The following ABCA13 variants were observed in gnomAD, a reference collection of about 807,000 sequenced individuals.
ABCA13 encodes the protein ATP binding cassette subfamily A member 13, also known as ATP-binding cassette sub-family A member 13.
ABCA13 carries 476 observed loss-of-function variants against 478.7 expected under a neutral mutation model. The observed-to-expected ratio is 0.99, with a 90% CI of 0.92 to 1.07. The LOEUF is 1.07. Ranked by LOEUF, ABCA13 falls within the 50% of genes least tolerant of loss-of-function variation. The pLI is 0.00. For missense variants in ABCA13, 6,060 were observed against 5,910.6 expected, an observed-to-expected ratio of 1.03 and a Z score of -0.83; for synonymous variants, 2,252 against 2,158.9, an observed-to-expected ratio of 1.04 and a Z score of -1.20.
At chr7:48,218,664 G>A (rs1199114475) in intron 3 of ABCA13, among the ~76,000 whole-genome samples, 2 of 152,130 alleles carry the variant, frequency 1.3e-5, no homozygotes, top group East Asian at 1.9e-4. Flanking sequence ...CAAACATTCT[G>A]CTTGCTTTTA....
intron 47 of ABCA13, among the ~76,000 whole-genome samples, chr7:48,487,033 C>T (rs954799925): frequency 1.1e-4 from 16 of 152,106 alleles, no homozygotes; most frequent in Admixed American, 3.3e-4. Flanking sequence ...AGTTTTGGCC[C>T]GGTGCAGCGG....
chr7:48,443,248 G>A (rs1055706058), intron 42 of ABCA13, among the ~76,000 whole-genome samples: 1 of 150,846 alleles, frequency 6.6e-6, no homozygotes. Context: ...GGCAGCCTGA[G>A]CTGACTAATA....
intron 41 of ABCA13, among the ~76,000 whole-genome samples, chr7:48,426,120 C>T (rs894202299): frequency 3.9e-5 from 6 of 152,150 alleles, no homozygotes; most frequent in Non-Finnish European, 8.8e-5. Context: ...ACATGGCTGG[C>T]GCACACTCAG....
chr7:48,276,665 T>A, intron 17 of ABCA13, 100 bp downstream of exon 17: 2 of 894,972 alleles, frequency 2.2e-6, no homozygotes, highest in Non-Finnish European at 3.4e-6. Context: ...TATTTGTATC[T>A]AATACCTTTG....
chr7:48,547,093 A>G (rs1784887293), intron 55 of ABCA13, among the ~76,000 whole-genome samples: 1 of 151,948 alleles, frequency 6.6e-6, no homozygotes, highest in African/African-American at 2.4e-5. Context: ...CTATGTTTGT[A>G]TGTATCAATT....
intron 31 of ABCA13, 94 bp downstream of exon 31, chr7:48,352,581 A>T: frequency 7.2e-7 from 1 of 1,380,060 alleles, no homozygotes; most frequent in African/African-American, 1.5e-5. Flanking sequence ...TGGTTATTTC[A>T]AAAAGCACTG....
At chr7:48,223,976 AAG>A (rs536905832) in intron 5 of ABCA13, among the ~76,000 whole-genome samples, 5 of 129,896 alleles carry the variant, frequency 3.8e-5, no homozygotes, top group African/African-American at 6.6e-5. Flanking sequence ...AAAAAAAAAA[AAG>A]AGAGAGAGAG....
At chr7:48,508,172 T>C in intron 50 of ABCA13, 123 bp downstream of exon 50, 2 of 1,181,116 alleles carry the variant, frequency 1.7e-6, no homozygotes, top group East Asian at 5.0e-5. Context: ...AAAGGGGTCA[T>C]CTTATTGATA....
chr7:48,542,782 T>C (rs1834025821), intron 55 of ABCA13, among the ~76,000 whole-genome samples: 1 of 151,728 alleles, frequency 6.6e-6, no homozygotes, highest in African/African-American at 2.4e-5. Flanking sequence ...TAATTCCAAT[T>C]GATATTGCAG....
chr7:48,388,314 C>A (rs1203434775), intron 36 of ABCA13, among the ~76,000 whole-genome samples: 1 of 152,200 alleles, frequency 6.6e-6, no homozygotes, highest in Non-Finnish European at 1.5e-5. Context: ...TGGGCAGCTA[C>A]CCTGTGTAAA....
chr7:48,205,142 T>G (rs35274735), intron 3 of ABCA13, among the ~76,000 whole-genome samples: 30,760 of 152,192 alleles, frequency 0.2, 3,359 homozygotes, highest in Middle Eastern at 0.26. Context: ...CCAATAAAAC[T>G]TATTTTATTT....
chr7:48,615,415 T>C (rs953149731), intron 59 of ABCA13, 38 bp downstream of exon 59: 34 of 1,516,838 alleles, frequency 2.2e-5, no homozygotes, highest in South Asian at 1.8e-4. Flanking sequence ...ATATTTACTA[T>C]GAAATCAATA....
At chr7:48,254,689 T>G (rs1793123624) in intron 15 of ABCA13, among the ~76,000 whole-genome samples, 1 of 152,174 alleles carries the variant, frequency 6.6e-6, no homozygotes, top group South Asian at 2.1e-4. Flanking sequence ...CAGTCAGGAA[T>G]TAAACTATTT....
intron 34 of ABCA13, among the ~76,000 whole-genome samples, chr7:48,374,637 CTA>C (rs1197442459): frequency 3.9e-5 from 6 of 152,206 alleles, no homozygotes; most frequent in African/African-American, 1.4e-4. Flanking sequence ...GCTTCAGACA[CTA>C]TCCAGGTCAA....
chr7:48,632,875 G>GT (rs1475539226), intron 59 of ABCA13, among the ~76,000 whole-genome samples: 4 of 152,062 alleles, frequency 2.6e-5, no homozygotes, highest in African/African-American at 9.7e-5. Context: ...ACATGCAAAA[G>GT]TATGAAGCTG....
chr7:48,188,832 C>G (rs141377568), intron 1 of ABCA13, among the ~76,000 whole-genome samples: 140,452 of 152,200 alleles, frequency 0.92, 65,575 homozygotes, highest in Non-Finnish European at 0.99. Context: ...TCATGCTCAG[C>G]CCACAAGGTG....
chr7:48,179,964 G>A (rs141633979), intron 1 of ABCA13, among the ~76,000 whole-genome samples: 2 of 152,212 alleles, frequency 1.3e-5, no homozygotes, highest in African/African-American at 4.8e-5. Flanking sequence ...AAATGAGCCA[G>A]GAAGGGTGGG....
Position 48,372,480 on chromosome 7 carries a change from G to A in ABCA13, c.11116G>A (p.Val3706Ile). 7.3e-7 allele frequency: 1 copy of A among 1,374,518 alleles called. No homozygotes were observed. Among genetic ancestry groups the A allele is most frequent in the Non-Finnish European group, 9.8e-7 (1 of 1,023,590 alleles). 85.1% of individuals were successfully genotyped at this position (1,374,518 alleles called of 1,614,324 possible). The change falls in exon 33 of 62, where the codon GTT becomes ATT. Residue 3706 changes from valine (V) to isoleucine (I), a missense_variant. Physicochemically the swap from Val to Ile is conservative, Grantham distance 29. Coordinates refer to ENST00000435803, the MANE Select transcript of ABCA13 (RefSeq NM_152701.5). ...LLVLHNQLSF[V>I]NQTFLCLLST... is the part of the protein sequence containing the mutation. ...GGTTCTACATAACCAATTAAGTTTT[G>A]TTAATCAGACATTTCTGGTAAGTAA...
At chr7:48,393,986 T>C (rs1390886007) in intron 38 of ABCA13, among the ~76,000 whole-genome samples, 2 of 152,154 alleles carry the variant, frequency 1.3e-5, no homozygotes, top group Non-Finnish European at 1.5e-5. Flanking sequence ...TCTGCAAAGC[T>C]TATCTTGTCC....
Sources: allele counts gnomAD v4.1 joint callset (sites outside exome capture counted in the v4.1 genomes callset), GRCh38; gene constraint gnomAD v4.1.1; transcripts MANE v1.5; gene names NCBI Gene and HGNC (gene_info 2026-07-23, HGNC 2026-07-21).